Variants in SGCZ observed in about 807,000 individuals in gnomAD.
SGCZ encodes zeta-sarcoglycan.
A neutral mutation model predicts 41.3 loss-of-function variants in SGCZ; 40 were observed. That is an observed-to-expected ratio of 0.97 (90% confidence interval 0.75 to 1.26). The LOEUF is 1.26. Among genes scored for constraint, SGCZ ranks in the 50% most tolerant of loss-of-function variants. SGCZ has a pLI of 0.00. For missense variants in SGCZ, 552 were observed against 369.8 expected, an observed-to-expected ratio of 1.49 and a Z score of -4.04; for synonymous variants, 206 against 137.5, an observed-to-expected ratio of 1.50 and a Z score of -3.49.
At chr8:14,929,360 G>C (rs1346254543) in intron 1 of SGCZ, among the ~76,000 whole-genome samples, 1 of 152,148 alleles carries the variant, frequency 6.6e-6, no homozygotes, top group Non-Finnish European at 1.5e-5. Flanking sequence ...AGAGGCATAT[G>C]CTTTAGATAT....
At chr8:15,059,344 A>T (rs1804832973) in intron 1 of SGCZ, among the ~76,000 whole-genome samples, 1 of 152,184 alleles carries the variant, frequency 6.6e-6, no homozygotes, top group Non-Finnish European at 1.5e-5. Flanking sequence ...GAGCACATGA[A>T]CTCAAGTTGG....
intron 2 of SGCZ, among the ~76,000 whole-genome samples, chr8:14,424,839 G>C (rs1477821262): frequency 1.3e-5 from 2 of 152,088 alleles, no homozygotes; most frequent in Non-Finnish European, 2.9e-5. Flanking sequence ...ATGTTGACAA[G>C]GACTGATATC....
At chr8:14,303,934 T>C (rs1038479136) in intron 3 of SGCZ, among the ~76,000 whole-genome samples, 1 of 151,910 alleles carries the variant, frequency 6.6e-6, no homozygotes, top group Non-Finnish European at 1.5e-5. Context: ...CTATTTTTAG[T>C]AGAGATAGGG....
At chr8:14,647,752 G>A (rs1807270241) in intron 1 of SGCZ, among the ~76,000 whole-genome samples, 2 of 151,940 alleles carry the variant, frequency 1.3e-5, no homozygotes, top group Admixed American at 1.3e-4. Context: ...TTTAAAGCAG[G>A]GTGAGAAACC....
intron 1 of SGCZ, among the ~76,000 whole-genome samples, chr8:15,045,124 C>T (rs1804255020): frequency 1.3e-5 from 2 of 151,738 alleles, no homozygotes; most frequent in Admixed American, 1.3e-4. Flanking sequence ...AAATATTACA[C>T]TTGGGTTATT....
At chr8:14,610,723 G>A (rs1437142980) in intron 1 of SGCZ, among the ~76,000 whole-genome samples, 1 of 152,146 alleles carries the variant, frequency 6.6e-6, no homozygotes, top group Non-Finnish European at 1.5e-5. Context: ...AGTTGCATCT[G>A]TTGTAAGACA....
intron 1 of SGCZ, among the ~76,000 whole-genome samples, chr8:14,925,941 ATGT>A (rs1053265594): frequency 3.9e-5 from 6 of 152,230 alleles, no homozygotes; most frequent in African/African-American, 7.2e-5. Flanking sequence ...CAGGGCAGAG[ATGT>A]TGTTTTTTAC....
intron 1 of SGCZ, among the ~76,000 whole-genome samples, chr8:14,927,363 C>T (rs1799789791): frequency 6.6e-6 from 1 of 152,044 alleles, no homozygotes; most frequent in African/African-American, 2.4e-5. Context: ...CCCGCCTCGG[C>T]CTCCCAAAGT....
chr8:14,944,068 T>C (rs1800364493), intron 1 of SGCZ, among the ~76,000 whole-genome samples: 1 of 152,164 alleles, frequency 6.6e-6, no homozygotes, highest in Non-Finnish European at 1.5e-5. Flanking sequence ...GTGATGATCA[T>C]ACTCAAGAAT....
chr8:14,368,892 G>A (rs1803812091), intron 2 of SGCZ, among the ~76,000 whole-genome samples: 1 of 151,910 alleles, frequency 6.6e-6, no homozygotes, highest in Non-Finnish European at 1.5e-5. Context: ...AGAAAACTAT[G>A]GGAAGTCAAT....
intron 1 of SGCZ, among the ~76,000 whole-genome samples, chr8:14,842,300 G>C (rs1436260809): frequency 1.3e-5 from 2 of 151,378 alleles, no homozygotes; most frequent in African/African-American, 4.9e-5. Flanking sequence ...GGAATAAAGA[G>C]ATTCAAAGGG....
chr8:15,071,836 G>A (rs1028207126), intron 1 of SGCZ, among the ~76,000 whole-genome samples: 2 of 152,130 alleles, frequency 1.3e-5, no homozygotes, highest in African/African-American at 4.8e-5. Flanking sequence ...TATAAAGAAG[G>A]AGAAGTGACT....
chr8:14,193,630 A>T (rs1805176319), intron 4 of SGCZ, among the ~76,000 whole-genome samples: 1 of 152,078 alleles, frequency 6.6e-6, no homozygotes, highest in South Asian at 2.1e-4. Flanking sequence ...GTGGCCATGA[A>T]AACTTTCCAC....
intron 1 of SGCZ, among the ~76,000 whole-genome samples, chr8:14,600,180 G>A (rs903759669): frequency 2.0e-5 from 3 of 151,956 alleles, no homozygotes; most frequent in African/African-American, 7.3e-5. Flanking sequence ...CACTCTCTTG[G>A]ATCTTATTCT....
chr8:15,014,070 G>C (rs994927881), intron 1 of SGCZ, among the ~76,000 whole-genome samples: 5 of 152,178 alleles, frequency 3.3e-5, no homozygotes, highest in African/African-American at 9.7e-5. Flanking sequence ...AATGCTGTTT[G>C]TTTGCTCAAA....
intron 1 of SGCZ, among the ~76,000 whole-genome samples, chr8:14,612,486 G>C (rs1291210401): frequency 6.6e-6 from 1 of 152,086 alleles, no homozygotes; most frequent in East Asian, 1.9e-4. Context: ...CCAGACTCAG[G>C]GAAGTTCTTT....
chr8:14,260,192 A>T (rs945195666), intron 3 of SGCZ, among the ~76,000 whole-genome samples: 51 of 152,046 alleles, frequency 3.4e-4, no homozygotes, highest in African/African-American at 9.9e-4. Context: ...TTCGCAACCT[A>T]CTCATCTGAC....
At chr8:14,610,798 G>C (rs1805903060) in intron 1 of SGCZ, among the ~76,000 whole-genome samples, 1 of 152,156 alleles carries the variant, frequency 6.6e-6, no homozygotes, top group African/African-American at 2.4e-5. Context: ...TAGGATAGTT[G>C]AGTGTTCACA....
intron 1 of SGCZ, among the ~76,000 whole-genome samples, chr8:14,742,841 T>C (rs928432046): frequency 1.3e-5 from 2 of 152,088 alleles, no homozygotes; most frequent in Non-Finnish European, 2.9e-5. Flanking sequence ...TTTACCTTTA[T>C]CACAATGTTG....
Sources: gnomAD v4.1 joint callset for allele counts (sites outside exome capture counted in the v4.1 genomes callset) on GRCh38, gnomAD v4.1.1 for gene constraint, MANE v1.5 for transcripts, NCBI Gene and HGNC (gene_info 2026-07-23, HGNC 2026-07-21) for gene names.